NNT: variants seen among roughly 807,000 people sequenced by gnomAD.
The protein encoded by NNT is nicotinamide nucleotide transhydrogenase.
NNT carries 50 observed loss-of-function variants against 104.8 expected under a neutral mutation model. That is an observed-to-expected ratio of 0.48 (90% CI 0.38 to 0.60). NNT has a LOEUF of 0.60. Among genes scored for constraint, NNT ranks in the 20% least tolerant of loss-of-function variants. The probability of loss-of-function intolerance (pLI) is 0.00; values close to 1 mark genes in which losing one functional copy is unlikely to be tolerated. For missense variants in NNT, 1,131 were observed against 1,330.7 expected (o/e 0.85, Z 2.33); for synonymous variants, 461 against 490.4 (o/e 0.94, Z 0.79).
chr5:43,668,341 A>G (rs1262101014), intron 17 of NNT, among the ~76,000 whole-genome samples: 2 of 151,706 alleles, frequency 1.3e-5, no homozygotes, highest in African/African-American at 4.9e-5. Context: ...AGTTTTATAC[A>G]TGAAGTCCTT....
rs1180780968 is a variant in NNT, at chr5:43,615,904, G to A, written c.438G>A (p.Lys146=). The part of the protein sequence containing the change: ...TLGVHEADLL[K]TSGTLISFIY... The stretch of plus-strand genomic sequence containing the variant: ...GTGTTCATGAAGCTGACCTTTTAAA[G>A]ACATCAGGAACGCTGATTAGTTTTA... Residue 146 remains lysine, a synonymous_variant, in exon 4 of 22, where the codon AAG becomes AAA. Transcript: ENST00000344920. The A allele has an allele frequency of 6.2e-7, 1 of 1,614,144 alleles. No homozygotes were observed. Among genetic ancestry groups the A allele is most frequent in the South Asian group, 1.1e-5 (1 of 91,076 alleles).
intron 21 of NNT, 28 bp from the exon 22 acceptor site, chr5:43,704,227 A>G (rs749656684): frequency 1.3e-6 from 2 of 1,527,212 alleles, no homozygotes. Flanking sequence ...TGTTAAATAC[A>G]CTCTCTCATT....
At chr5:43,635,728 C>T (rs1224033911) in intron 7 of NNT, among the ~76,000 whole-genome samples, 1 of 152,116 alleles carries the variant, frequency 6.6e-6, no homozygotes, top group African/African-American at 2.4e-5. Flanking sequence ...TGTGTGTGTG[C>T]ATTCCTTGTT....
At chr5:43,658,852 T>A (rs574993661) in intron 16 of NNT, among the ~76,000 whole-genome samples, 2 of 152,192 alleles carry the variant, frequency 1.3e-5, no homozygotes, top group Non-Finnish European at 2.9e-5. Context: ...TCTAAAGCCA[T>A]AAAAACTGGG....
chr5:43,645,878 G>A (rs903892570), intron 10 of NNT, among the ~76,000 whole-genome samples: 1 of 150,328 alleles, frequency 6.7e-6, no homozygotes, highest in Non-Finnish European at 1.5e-5. Context: ...CCACCCCTGG[G>A]TAATTTTTGT....
intron 15 of NNT, 80 bp from the exon 16 acceptor site, chr5:43,656,571 CTG>C (rs1740058967): frequency 1.6e-6 from 2 of 1,276,880 alleles, no homozygotes; most frequent in African/African-American, 1.5e-5. Flanking sequence ...TTAGAGATGA[CTG>C]TGTAGAATTC....
intron 3 of NNT, among the ~76,000 whole-genome samples, chr5:43,615,163 A>G (rs887833728): frequency 1.3e-5 from 2 of 152,162 alleles, no homozygotes; most frequent in Non-Finnish European, 2.9e-5. Context: ...AAAAAAATAA[A>G]TAAAATAAAA....
chr5:43,703,106 G>A (rs1244602999), intron 21 of NNT, among the ~76,000 whole-genome samples: 1 of 152,200 alleles, frequency 6.6e-6, no homozygotes, highest in Non-Finnish European at 1.5e-5. Flanking sequence ...GCCAAGATGA[G>A]CATATTTTTT....
At position 43,609,252 on chromosome 5, in the gene NNT, T is replaced by G; in HGVS notation, c.57T>G (p.Asn19Lys). The G allele has an allele frequency of 1.2e-6, 2 of 1,614,024 alleles. No homozygotes were observed. The highest frequency in any genetic ancestry group is 1.7e-6 in the Non-Finnish European group (2 of 1,179,916). Residue 19 changes from asparagine (N) to lysine (K), a missense_variant, in exon 2 of 22, where the codon AAT becomes AAG. Physicochemically the swap from Asn to Lys is moderately conservative, Grantham distance 94. Coordinates refer to ENST00000344920, the MANE Select transcript of NNT (RefSeq NM_182977.3). Reference protein sequence around the residue: ...VTGCSCPLLSNLGSCKGLRVK... With the variant: ...VTGCSCPLLSKLGSCKGLRVK... ...GCTGCTCGTGTCCTCTACTTAGCAATTTGGGGTCCTGTAAGGGTCTACGTG... is the reference window on the plus strand; with the variant it reads ...GCTGCTCGTGTCCTCTACTTAGCAAGTTGGGGTCCTGTAAGGGTCTACGTG...
At chr5:43,680,798 C>T (rs188904850) in intron 19 of NNT, among the ~76,000 whole-genome samples, 194 of 152,180 alleles carry the variant, frequency 1.3e-3, no homozygotes, top group African/African-American at 4.3e-3. Context: ...TCATTTGCTT[C>T]CCAGTAGCCC....
At position 43,643,767 on chromosome 5, in the gene NNT, G is replaced by A. The variant is rs369620899; in HGVS notation, c.965-425G>A. 3.9e-5 allele frequency among the ~76,000 whole-genome samples: 6 copies of A among 152,348 alleles called. No homozygotes were observed. The East Asian group carries it at 9.6e-4, about 24-fold the overall frequency. ...GTTCTGTTTTGTAATTCATAAATTA[G>A]TATTAACTGTACTCTTGACATTGGT... On this transcript the variant is annotated intron_variant, in intron 7 of 21. Coordinates refer to ENST00000344920, the MANE Select transcript of NNT (RefSeq NM_182977.3).
At chr5:43,622,251 C>G (rs1420281042) in intron 5 of NNT, among the ~76,000 whole-genome samples, 1 of 152,070 alleles carries the variant, frequency 6.6e-6, no homozygotes, top group Non-Finnish European at 1.5e-5. Flanking sequence ...GAAATATGTG[C>G]AAAGGGAGGA....
intron 17 of NNT, among the ~76,000 whole-genome samples, chr5:43,660,605 T>A (rs1740303281): frequency 6.6e-6 from 1 of 151,942 alleles, no homozygotes; most frequent in South Asian, 2.1e-4. Flanking sequence ...AGTAAAGAGG[T>A]TTAATTGACT....
chr5:43,610,951 A>G (rs895948002), intron 2 of NNT, among the ~76,000 whole-genome samples: 11 of 152,180 alleles, frequency 7.2e-5, no homozygotes, highest in Non-Finnish European at 1.5e-4. Context: ...TAAGAAGTCT[A>G]TTTTTTCCTT....
chr5:43,689,862 G>T (rs776034011), intron 19 of NNT, among the ~76,000 whole-genome samples: 7 of 152,108 alleles, frequency 4.6e-5, no homozygotes, highest in African/African-American at 7.2e-5. Flanking sequence ...ATAGAGAAAT[G>T]TAAAATGCTT....
intron 7 of NNT, among the ~76,000 whole-genome samples, chr5:43,630,398 A>T (rs1750614085): frequency 6.6e-6 from 1 of 152,216 alleles, no homozygotes; most frequent in African/African-American, 2.4e-5. Context: ...TACCAGAGAG[A>T]TGACTGTTAT....
intron 19 of NNT, among the ~76,000 whole-genome samples, chr5:43,692,601 G>A (rs1742347310): frequency 6.6e-6 from 1 of 152,204 alleles, no homozygotes; most frequent in Non-Finnish European, 1.5e-5. Flanking sequence ...TAGAATTACA[G>A]GCGTGAGCCA....
chr5:43,680,643 TC>T (rs1442987544), intron 19 of NNT, among the ~76,000 whole-genome samples: 1 of 152,188 alleles, frequency 6.6e-6, no homozygotes. Flanking sequence ...TTAGAGACAC[TC>T]CTGTTTTCCT....
intron 3 of NNT, chr5:43,613,769 G>A (rs1749629750): frequency 6.6e-6 from 1 of 152,188 alleles, no homozygotes; most frequent in African/African-American, 2.4e-5. Flanking sequence ...GATAACTAGA[G>A]TTGAGCATTA....
Sources: allele counts gnomAD v4.1 joint callset (sites outside exome capture counted in the v4.1 genomes callset), GRCh38; gene constraint gnomAD v4.1.1; transcripts MANE v1.5; gene names NCBI Gene and HGNC (gene_info 2026-07-23, HGNC 2026-07-21).